The following PHF11 variants were observed in gnomAD, a reference collection of about 807,000 sequenced individuals.
The protein encoded by PHF11 is BRCA1 C-terminus-associated protein.
A neutral mutation model predicts 40.5 loss-of-function variants in PHF11; 38 were observed. The observed-to-expected ratio is 0.94, with a 90% CI of 0.72 to 1.23. The LOEUF (loss-of-function observed/expected upper bound fraction) is 1.23, where lower values mean the gene tolerates loss of function less well. Among genes scored for constraint, PHF11 ranks in the 50% most tolerant of loss-of-function variants. PHF11 has a pLI of 0.00. For missense variants in PHF11, 369 were observed against 392.4 expected (o/e 0.94, Z 0.50); for synonymous variants, 127 against 138.2 (o/e 0.92, Z 0.57).
intron 5 of PHF11, 169 bp from the exon 6 acceptor site, chr13:49,521,874 C>A (rs1241180062): frequency 2.4e-6 from 1 of 410,962 alleles, no homozygotes; most frequent in Non-Finnish European, 4.5e-6. Context: ...CTTATAATAT[C>A]TTTTTTAAAA....
chr13:49,497,397 C>T (rs1002169446), intron 1 of PHF11, among the ~76,000 whole-genome samples: 2 of 152,198 alleles, frequency 1.3e-5, no homozygotes, highest in African/African-American at 4.8e-5. Flanking sequence ...TCCATTCGCC[C>T]AGGTGCTCCT....
At chr13:49,501,945 C>T (rs559584145) in intron 1 of PHF11, among the ~76,000 whole-genome samples, 19 of 152,194 alleles carry the variant, frequency 1.2e-4, no homozygotes, top group Admixed American at 1.2e-3. Context: ...CCCGCCTCGG[C>T]CTCCCAAAGT....
chr13:49,520,478 C>T (rs1566195491), intron 4 of PHF11, among the ~76,000 whole-genome samples: 1 of 152,246 alleles, frequency 6.6e-6, no homozygotes, highest in East Asian at 1.9e-4. Context: ...ATGACTTTTT[C>T]CTTAAATTAA....
intron 9 of PHF11, among the ~76,000 whole-genome samples, chr13:49,526,891 C>T (rs572159481): frequency 2.0e-5 from 3 of 152,192 alleles, no homozygotes; most frequent in Non-Finnish European, 2.9e-5. Flanking sequence ...AAGCTTCCTG[C>T]GGCTTCTCTG....
chr13:49,506,714 C>A lies in PHF11; in HGVS notation c.174C>A (p.Tyr58Ter). The change falls in exon 2 of 10, where the codon TAC (tyrosine) becomes TAA (stop). Residue 58 changes from tyrosine to a stop codon, truncating the protein, a stop_gained. Transcript: ENST00000378319. LOFTEE classifies it high-confidence loss of function. ...CPKDVEYNVL[Y>*]FAQSENIAAH... ...AAGATGTCGAATATAATGTCCTATACTTTGCACAATCAGAGAATATAGCTG... is the reference window on the plus strand; with the variant it reads ...AAGATGTCGAATATAATGTCCTATAATTTGCACAATCAGAGAATATAGCTG... 6.2e-7 allele frequency: 1 copy of A among 1,607,930 alleles called. No individual in the cohort carries two copies. Among genetic ancestry groups the A allele is most frequent in the Non-Finnish European group, 8.5e-7 (1 of 1,174,840 alleles).
intron 1 of PHF11, 166 bp downstream of exon 1, chr13:49,496,261 C>T (rs1958806036): frequency 4.6e-6 from 3 of 648,492 alleles, no homozygotes; most frequent in Non-Finnish European, 6.5e-6. Context: ...GCTCACCACT[C>T]GCGTGCCTGT....
chr13:49,508,456 T>G (rs1266856421), intron 2 of PHF11, among the ~76,000 whole-genome samples: 1 of 149,830 alleles, frequency 6.7e-6, no homozygotes, highest in African/African-American at 2.4e-5. Context: ...TATTTAGGTC[T>G]TTTATAAATT....
chr13:49,526,196 A>G, intron 8 of PHF11, 191 bp from the exon 9 acceptor site: 1 of 526,976 alleles, frequency 1.9e-6, no homozygotes, highest in Non-Finnish European at 3.4e-6. Flanking sequence ...AAAAAGAAAA[A>G]AGAGAAATGC....
In PHF11 at chr13:49,518,148, A is replaced by T. The variant is rs200889583; in HGVS notation, c.455A>T (p.Tyr152Phe). 17 of 1,593,736 alleles carry T rather than the reference A, an allele frequency of 1.1e-5. No individual in the cohort carries two copies. Among genetic ancestry groups the T allele is most frequent in the Non-Finnish European group, 2.6e-6 (3 of 1,168,742 alleles). ...CAGTCTGATGGAGTTCGAGGAATTT[A>T]TAAGTATTTAATAAAACATTTTTAA... ...VPQSDGVRGI[Y>F]KLLCQQHAQF... is the part of the protein sequence containing the mutation. The change falls in exon 4 of 10, where the codon TAT becomes TTT. Residue 152 changes from tyrosine (Y) to phenylalanine (F), a missense_variant. Physicochemically the swap from Tyr to Phe is conservative, Grantham distance 22 (BLOSUM62 3). Transcript: ENST00000378319.
intron 2 of PHF11, among the ~76,000 whole-genome samples, chr13:49,512,399 TA>T (rs1466200864): frequency 6.6e-6 from 1 of 152,262 alleles, no homozygotes; most frequent in Non-Finnish European, 1.5e-5. Flanking sequence ...ACTTTTTCTT[TA>T]TGCTTTCTGA....
intron 8 of PHF11, 136 bp downstream of exon 8, chr13:49,524,352 GCTTA>G (rs1959213760): frequency 1.5e-6 from 1 of 687,950 alleles, no homozygotes; most frequent in Non-Finnish European, 2.4e-6. Flanking sequence ...TTTTGGAAAT[GCTTA>G]CTATTTATTT....
chr13:49,496,466 A>G, intron 1 of PHF11: 1 of 1,016,508 alleles, frequency 9.8e-7, no homozygotes, highest in Non-Finnish European at 1.2e-6. Context: ...AGGACAGTGG[A>G]GGGGCGCCCT....
intron 1 of PHF11, among the ~76,000 whole-genome samples, chr13:49,505,446 C>T (rs918027204): frequency 2.6e-5 from 4 of 152,164 alleles, no homozygotes; most frequent in African/African-American, 7.2e-5. Flanking sequence ...ACAGAAGAGA[C>T]TTAGGGATCA....
intron 5 of PHF11, 71 bp downstream of exon 5, chr13:49,521,011 T>C: frequency 6.7e-7 from 1 of 1,482,302 alleles, no homozygotes; most frequent in Non-Finnish European, 9.1e-7. Context: ...AGGAATAGTC[T>C]AATTTTCTAG....
chr13:49,497,000 A>C, intron 1 of PHF11: 2 of 1,165,456 alleles, frequency 1.7e-6, no homozygotes, highest in South Asian at 1.5e-5. Context: ...CGCCCAGCTA[A>C]TTTTGTATTT....
chr13:49,501,693 ATTTTG>A (rs1566185756), intron 1 of PHF11, among the ~76,000 whole-genome samples: 2 of 151,838 alleles, frequency 1.3e-5, no homozygotes, highest in Non-Finnish European at 1.5e-5. Context: ...TTTTTGTTTC[ATTTTG>A]TTTTGTTTTT....
chr13:49,508,749 T>G (rs942277715), intron 2 of PHF11, among the ~76,000 whole-genome samples: 3 of 152,174 alleles, frequency 2.0e-5, no homozygotes, highest in African/African-American at 7.2e-5. Context: ...TACTTACCTT[T>G]AATTCGGGGG....
At chr13:49,504,678 G>A (rs1958958793) in intron 1 of PHF11, among the ~76,000 whole-genome samples, 2 of 151,386 alleles carry the variant, frequency 1.3e-5, no homozygotes, top group African/African-American at 4.9e-5. Flanking sequence ...GAAGTGAGGA[G>A]CCCCTCTGCC....
chr13:49,526,084 G>A (rs918522631), intron 8 of PHF11: 7 of 346,518 alleles, frequency 2.0e-5, no homozygotes, highest in African/African-American at 8.7e-5. Flanking sequence ...CATGAGAATC[G>A]CTTGAACCCA....
Sources: gnomAD v4.1 joint callset for allele counts (sites outside exome capture counted in the v4.1 genomes callset) on GRCh38, gnomAD v4.1.1 for gene constraint, MANE v1.5 for transcripts, NCBI Gene and HGNC (gene_info 2026-07-23, HGNC 2026-07-21) for gene names.